Variants in EPB41L4A observed in about 807,000 individuals in gnomAD.
EPB41L4A encodes band 4.1-like protein 4A.
A neutral mutation model predicts 108.6 loss-of-function variants in EPB41L4A; 100 were observed. The observed-to-expected ratio is 0.92, with a 90% CI of 0.78 to 1.09. The LOEUF (loss-of-function observed/expected upper bound fraction) is 1.09, where lower values mean the gene tolerates loss of function less well. Ranked by LOEUF, EPB41L4A falls within the 50% of genes least tolerant of loss-of-function variation. The pLI is 0.00. For synonymous variants in EPB41L4A, 319 were observed against 289.0 expected (o/e 1.10, Z -1.05); for missense variants, 1,030 against 842.7 (o/e 1.22, Z -2.75).
intron 12 of EPB41L4A, among the ~76,000 whole-genome samples, chr5:112,219,724 C>G (rs952304023): frequency 5.3e-5 from 8 of 152,058 alleles, no homozygotes; most frequent in African/African-American, 1.9e-4. Flanking sequence ...GAGACAGAGT[C>G]TCATTCTGTT....
intron 1 of EPB41L4A, among the ~76,000 whole-genome samples, chr5:112,387,197 GT>G (rs1760605907): frequency 6.6e-6 from 1 of 152,208 alleles, no homozygotes; most frequent in African/African-American, 2.4e-5. Flanking sequence ...CAGCCAGGAT[GT>G]AAGGCAGATG....
At chr5:112,304,962 T>C (rs577153507) in intron 2 of EPB41L4A, among the ~76,000 whole-genome samples, 1 of 152,272 alleles carries the variant, frequency 6.6e-6, no homozygotes, top group South Asian at 2.1e-4. Flanking sequence ...AATCCATTTA[T>C]AGTAACTTCT....
chr5:112,408,962 T>C (rs1371396724), intron 1 of EPB41L4A, among the ~76,000 whole-genome samples: 2 of 152,072 alleles, frequency 1.3e-5, no homozygotes, highest in Non-Finnish European at 2.9e-5. Context: ...CTCTTAGGTA[T>C]ATACACAAGA....
rs561325679 is a variant in EPB41L4A at position 112,282,748 on chromosome 5, C to A, written c.205-2425G>T. Among the ~76,000 whole-genome samples, 3 of 152,098 alleles carry A rather than the reference C, an allele frequency of 2.0e-5. No individual in the cohort carries two copies. In the South Asian group the frequency reaches 6.2e-4, roughly 32 times the overall value. The stretch of plus-strand genomic sequence containing the variant: ...ATGAAGTGTCAATATGTGCTTGTGG[C>A]AAGAAGGGAAAAAAGGAGGCTTTGG... On this transcript the variant is annotated intron_variant, in intron 2 of 22. Transcript: ENST00000261486.
At chr5:112,320,480 T>C (rs1320269915) in intron 1 of EPB41L4A, among the ~76,000 whole-genome samples, 1 of 152,240 alleles carries the variant, frequency 6.6e-6, no homozygotes, top group Admixed American at 6.5e-5. Flanking sequence ...TAAAGTGTTC[T>C]ACAAAAGGGT....
intron 1 of EPB41L4A, among the ~76,000 whole-genome samples, chr5:112,387,493 G>A (rs948919223): frequency 6.6e-6 from 1 of 152,286 alleles, no homozygotes; most frequent in Admixed American, 6.5e-5. Flanking sequence ...GCCAGGCATG[G>A]TGGCAGGGGC....
At chr5:112,189,466 G>C (rs1466433100) in intron 17 of EPB41L4A, among the ~76,000 whole-genome samples, 2 of 152,084 alleles carry the variant, frequency 1.3e-5, no homozygotes, top group East Asian at 3.9e-4. Context: ...TCCCAGATTT[G>C]CATGTACATA....
In EPB41L4A at chr5:112,419,267, C is replaced by G; in HGVS notation, c.-228G>C. Reference sequence around the variant, plus strand: ...GCGCCCGGGAGCCGCCGGGGAAGCGCCGGCGGAACTGGGCGCGGAGGGCGG... The same window carrying G: ...GCGCCCGGGAGCCGCCGGGGAAGCGGCGGCGGAACTGGGCGCGGAGGGCGG... On this transcript the variant is annotated 5_prime_UTR_variant, in exon 1 of 23. Coordinates refer to ENST00000261486, the MANE Select transcript of EPB41L4A (RefSeq NM_022140.5). 2.6e-6 allele frequency: 1 copy of G among 390,994 alleles called. No individual in the cohort carries two copies. The highest frequency in any genetic ancestry group is 4.6e-6 in the Non-Finnish European group (1 of 218,992). 24.2% of individuals were successfully genotyped at this position (390,994 alleles called of 1,614,324 possible). A position where few individuals can be genotyped will look rare whatever the true frequency, so the allele number is the denominator to read the frequency against.
intron 2 of EPB41L4A, among the ~76,000 whole-genome samples, chr5:112,293,347 T>C (rs1273638054): frequency 1.7e-5 from 2 of 116,722 alleles, no homozygotes; most frequent in East Asian, 2.0e-4. Context: ...TTAGTTATTT[T>C]TCCTCATCCT....
intron 9 of EPB41L4A, among the ~76,000 whole-genome samples, chr5:112,252,269 G>A (rs1250869974): frequency 6.6e-6 from 1 of 152,054 alleles, no homozygotes; most frequent in Non-Finnish European, 1.5e-5. Flanking sequence ...GGGTCTATGT[G>A]TGTATATATG....
At chr5:112,269,888 G>C (rs1295398568) in intron 4 of EPB41L4A, among the ~76,000 whole-genome samples, 1 of 152,184 alleles carries the variant, frequency 6.6e-6, no homozygotes, top group Admixed American at 6.5e-5. Context: ...CTGAGATTTT[G>C]AGTTATAGGT....
rs540944831 is a variant in EPB41L4A, at chr5:112,384,074, A to G, written c.99+34867T>C. Among the ~76,000 whole-genome samples, 7 of 152,288 alleles carry G rather than the reference A, an allele frequency of 4.6e-5. No individual in the cohort carries two copies. The East Asian group carries it at 1.4e-3, about 29-fold the overall frequency. On this transcript the variant is annotated intron_variant, in intron 1 of 22. Transcript: ENST00000261486. ...GCCCAGAAAATGCAAATCTAGAGAG[A>G]CAGGAAGTAGGTTAGGAGTCGCTGG...
At chr5:112,289,893 G>C (rs1753540212) in intron 2 of EPB41L4A, among the ~76,000 whole-genome samples, 1 of 152,212 alleles carries the variant, frequency 6.6e-6, no homozygotes, top group African/African-American at 2.4e-5. Context: ...ACACAACAAA[G>C]AGTAACTGGA....
At chr5:112,167,488 T>C (rs370339430) in intron 22 of EPB41L4A, among the ~76,000 whole-genome samples, 4 of 152,212 alleles carry the variant, frequency 2.6e-5, no homozygotes, top group East Asian at 3.9e-4. Context: ...GCTGGGAGTG[T>C]TGCCTGCCGT....
chr5:112,369,528 T>G (rs1396456509), intron 1 of EPB41L4A, among the ~76,000 whole-genome samples: 1 of 152,236 alleles, frequency 6.6e-6, no homozygotes, highest in Non-Finnish European at 1.5e-5. Context: ...CTATTCTTGG[T>G]CTTCACTCTC....
intron 1 of EPB41L4A, among the ~76,000 whole-genome samples, chr5:112,336,670 A>G (rs967809050): frequency 1.3e-5 from 2 of 152,194 alleles, no homozygotes; most frequent in African/African-American, 4.8e-5. Flanking sequence ...GTGAGAGGCA[A>G]AAGTACAGAA....
At chr5:112,419,573 C>T, upstream of EPB41L4A, 1 of 447,744 alleles carries the variant, frequency 2.2e-6, no homozygotes, top group South Asian at 1.6e-5. Context: ...CCCCGCCCCG[C>T]AGCCCCGGGT....
At chr5:112,239,812 A>C in intron 10 of EPB41L4A, 75 bp from the exon 11 acceptor site, 1 of 929,570 alleles carries the variant, frequency 1.1e-6, no homozygotes, top group Non-Finnish European at 1.7e-6. Flanking sequence ...TTCTCCTAAC[A>C]CAAACTTTAT....
chr5:112,338,195 T>C (rs1306324870), intron 1 of EPB41L4A, among the ~76,000 whole-genome samples: 1 of 152,186 alleles, frequency 6.6e-6, no homozygotes, highest in African/African-American at 2.4e-5. Flanking sequence ...CTGACTTTAC[T>C]AATCTCAGTC....
Sources: allele counts gnomAD v4.1 joint callset (sites outside exome capture counted in the v4.1 genomes callset), GRCh38; gene constraint gnomAD v4.1.1; transcripts MANE v1.5; gene names NCBI Gene and HGNC (gene_info 2026-07-23, HGNC 2026-07-21).